Variants in DCDC1 observed in about 807,000 individuals in gnomAD.
DCDC1 encodes doublecortin domain containing 1.
Under a neutral mutation model 178.3 loss-of-function variants are expected in DCDC1, and 200 were observed. The ratio of observed to expected loss-of-function variants is 1.12; its 90% CI spans 1.00 to 1.26. The LOEUF (loss-of-function observed/expected upper bound fraction) is 1.26. Among genes scored for constraint, DCDC1 ranks in the 50% most tolerant of loss-of-function variants. The probability of loss-of-function intolerance (pLI) is 0.00; values close to 1 mark genes in which losing one functional copy is unlikely to be tolerated. For missense variants in DCDC1, 1,983 were observed against 1,749.2 expected (o/e 1.13, Z -2.38); for synonymous variants, 690 against 604.8 (o/e 1.14, Z -2.07).
chr11:30,920,762 CACTGATT>C lies in DCDC1; in HGVS notation c.3293+7_3293+13del, dbSNP rs1407845810. The stretch of plus-strand genomic sequence containing the variant: ...AGCAGCCAGGTAGCTTTTCAGGCTA[CACTGATT>C]ACTTACAGAATTTCACTGGAAGCAT... On this transcript the variant is annotated splice_region_variant and intron_variant, in intron 25 of 38. Coordinates refer to ENST00000684477, the MANE Select transcript of DCDC1 (RefSeq NM_001387274.1). The C allele has an allele frequency of 1.9e-6, 3 of 1,612,462 alleles. No individual in the cohort carries two copies. In the African/African-American group the frequency reaches 4.0e-5, roughly 22 times the overall value.
chr11:31,323,056 T>C (rs1300645949), intron 3 of DCDC1, among the ~76,000 whole-genome samples: 1 of 152,196 alleles, frequency 6.6e-6, no homozygotes, highest in East Asian at 1.9e-4. Context: ...AAATTCTACT[T>C]TTATTTAATC....
Position 31,145,249 on chromosome 11 carries a change from T to C in DCDC1, c.1222-7465A>G, listed in dbSNP as rs1024352646. 1.5e-4 allele frequency among the ~76,000 whole-genome samples: 23 copies of C among 152,134 alleles called. No individual in the cohort carries two copies. In the South Asian group the frequency reaches 1.9e-3, roughly 12 times the overall value. ...CATATGGTGAGAGGACGGAGCCAGA[T>C]AGAGCTTCATGGATGAGGTTGGACC... On this transcript the variant is annotated intron_variant, in intron 9 of 38. Transcript: ENST00000684477.
At chr11:31,293,311 G>A (rs1474126998) in intron 6 of DCDC1, among the ~76,000 whole-genome samples, 2 of 152,102 alleles carry the variant, frequency 1.3e-5, no homozygotes, top group African/African-American at 4.8e-5. Context: ...TGACAGAAAA[G>A]GCTGAGAAGC....
At chr11:31,082,305 T>C (rs557851949) in intron 17 of DCDC1, among the ~76,000 whole-genome samples, 4 of 152,084 alleles carry the variant, frequency 2.6e-5, no homozygotes, top group Non-Finnish European at 4.4e-5. Context: ...TTTTTAATAA[T>C]GATGATACTC....
At chr11:31,330,779 C>T (rs1261276964) in intron 2 of DCDC1, among the ~76,000 whole-genome samples, 1 of 152,162 alleles carries the variant, frequency 6.6e-6, no homozygotes, top group Non-Finnish European at 1.5e-5. Flanking sequence ...TTACCAGTAC[C>T]ATGCTGTTTT....
At chr11:31,117,671 T>C (rs2135858029) in intron 11 of DCDC1, among the ~76,000 whole-genome samples, 1 of 150,560 alleles carries the variant, frequency 6.6e-6, no homozygotes, top group Middle Eastern at 3.4e-3. Flanking sequence ...CATTTTGCTG[T>C]GACTATTGAC....
intron 9 of DCDC1, among the ~76,000 whole-genome samples, chr11:31,204,151 A>AT (rs1434762568): frequency 6.6e-6 from 1 of 152,220 alleles, no homozygotes; most frequent in Non-Finnish European, 1.5e-5. Context: ...AATTGGCTCT[A>AT]TGAGTACTGT....
intron 11 of DCDC1, among the ~76,000 whole-genome samples, chr11:31,112,402 A>G (rs996728900): frequency 4.6e-5 from 7 of 152,202 alleles, no homozygotes; most frequent in African/African-American, 1.7e-4. Context: ...TAGATACGGG[A>G]AAATTAAAAG....
chr11:30,906,775 T>C (rs761735143), intron 29 of DCDC1, 50 bp from the exon 30 acceptor site: 11 of 1,519,356 alleles, frequency 7.2e-6, no homozygotes, highest in African/African-American at 1.4e-5. Context: ...TAAATTGTTA[T>C]AGCATTGCTG....
intron 9 of DCDC1, among the ~76,000 whole-genome samples, chr11:31,239,050 T>C (rs1039555578): frequency 6.6e-6 from 1 of 152,124 alleles, no homozygotes; most frequent in Non-Finnish European, 1.5e-5. Context: ...TTAAAGCTTA[T>C]ATTTCGACAG....
intron 9 of DCDC1, among the ~76,000 whole-genome samples, chr11:31,211,023 G>C (rs1254416059): frequency 6.6e-6 from 1 of 152,116 alleles, no homozygotes; most frequent in Non-Finnish European, 1.5e-5. Context: ...TTTTGCAAGA[G>C]GCCAAACTTA....
intron 17 of DCDC1, among the ~76,000 whole-genome samples, chr11:31,079,596 G>T (rs1957061754): frequency 6.6e-6 from 1 of 152,124 alleles, no homozygotes; most frequent in African/African-American, 2.4e-5. Context: ...CCCTTAACTT[G>T]TGGGATCTAA....
chr11:31,174,442 G>A (rs1967707598), intron 9 of DCDC1, among the ~76,000 whole-genome samples: 1 of 152,204 alleles, frequency 6.6e-6, no homozygotes, highest in Non-Finnish European at 1.5e-5. Context: ...GGTGCTGAGG[G>A]CAGCTCGGTG....
intron 13 of DCDC1, among the ~76,000 whole-genome samples, chr11:31,106,362 A>G (rs1958842089): frequency 1.3e-5 from 2 of 152,350 alleles, no homozygotes; most frequent in South Asian, 4.1e-4. Context: ...AGCTTCATAA[A>G]TCTTGCTTAA....
intron 20 of DCDC1, among the ~76,000 whole-genome samples, chr11:31,029,325 T>A (rs538115063): frequency 1.3e-5 from 2 of 152,252 alleles, no homozygotes; most frequent in African/African-American, 4.8e-5. Flanking sequence ...ATCTATTTTT[T>A]AATTGCCATT....
chr11:31,031,219 T>C (rs1953605237), intron 20 of DCDC1, among the ~76,000 whole-genome samples: 2 of 152,180 alleles, frequency 1.3e-5, no homozygotes, highest in African/African-American at 4.8e-5. Flanking sequence ...CAGGTTGTCA[T>C]TTTTGAAACT....
At position 31,077,883 on chromosome 11, in the gene DCDC1, A is replaced by G. The variant is rs759665395; in HGVS notation, c.2280T>C (p.Asp760=). ...DDSQKWVFGT[D]GCIYSKAYPQ... ...TCCTTACCTTTGAATAAATGCAACC[A>G]TCAGTTCCAAACACCCACTTCTGAG... Residue 760 remains aspartate (D), a synonymous_variant, in exon 18 of 39, where the codon GAT becomes GAC. Coordinates refer to ENST00000684477, the MANE Select transcript of DCDC1 (RefSeq NM_001387274.1). The G allele has an allele frequency of 1.7e-5, 13 of 766,176 alleles. No homozygotes were observed. Among genetic ancestry groups the G allele is most frequent in the Admixed American group, 1.0e-4 (6 of 59,012 alleles). 47.5% of individuals were successfully genotyped at this position (766,176 alleles called of 1,614,324 possible).
chr11:31,274,326 C>T (rs1945813039), intron 7 of DCDC1, among the ~76,000 whole-genome samples: 1 of 152,150 alleles, frequency 6.6e-6, no homozygotes, highest in South Asian at 2.1e-4. Context: ...CTACTAATAT[C>T]TCCCAAGTGC....
At chr11:30,871,190 ACAGAAGC>A (rs1458104127) in intron 38 of DCDC1, among the ~76,000 whole-genome samples, 1 of 152,178 alleles carries the variant, frequency 6.6e-6, no homozygotes, top group Non-Finnish European at 1.5e-5. Context: ...CCGTTAAGCA[ACAGAAGC>A]CATGAGTAGG....
Sources: gnomAD v4.1 joint callset for allele counts (sites outside exome capture counted in the v4.1 genomes callset) on GRCh38, gnomAD v4.1.1 for gene constraint, MANE v1.5 for transcripts, NCBI Gene and HGNC (gene_info 2026-07-23, HGNC 2026-07-21) for gene names.